Variants in PDE1C observed in about 807,000 individuals in gnomAD.
The protein encoded by PDE1C is phosphodiesterase 1C.
Under a neutral mutation model 93.1 loss-of-function variants are expected in PDE1C, and 62 were observed. That is an observed-to-expected ratio of 0.67 (90% CI 0.54 to 0.82). The LOEUF (loss-of-function observed/expected upper bound fraction) is 0.82. Ranked by LOEUF, PDE1C falls within the 40% of genes least tolerant of loss-of-function variation. PDE1C has a pLI of 0.00. For synonymous variants in PDE1C, 325 were observed against 310.1 expected, an observed-to-expected ratio of 1.05 and a Z score of -0.50; for missense variants, 742 against 884.6, an observed-to-expected ratio of 0.84 and a Z score of 2.04.
chr7:32,346,682 C>A (rs1783858654), intron 1 of PDE1C, among the ~76,000 whole-genome samples: 2 of 152,180 alleles, frequency 1.3e-5, no homozygotes, highest in African/African-American at 4.8e-5. Context: ...AACAAGGGAC[C>A]TGGCATCTTC....
At chr7:32,218,493 T>C (rs948515465) in intron 1 of PDE1C, among the ~76,000 whole-genome samples, 1 of 152,108 alleles carries the variant, frequency 6.6e-6, no homozygotes, top group Non-Finnish European at 1.5e-5. Context: ...CAGCCCAGGG[T>C]ATCACACAGA....
the PDE1C span, among the ~76,000 whole-genome samples, chr7:31,634,294 T>G: frequency 6.6e-6 from 1 of 152,316 alleles, no homozygotes; most frequent in East Asian, 1.9e-4. Context: ...GTATTAACCA[T>G]GATTATTATT....
intron 1 of PDE1C, among the ~76,000 whole-genome samples, chr7:32,318,439 G>A (rs899583043): frequency 6.6e-6 from 1 of 151,956 alleles, no homozygotes; most frequent in Non-Finnish European, 1.5e-5. Context: ...CCTCTAGGGA[G>A]CGGCTCTCCC....
At chr7:31,985,481 G>A (rs1783257074) in intron 2 of PDE1C, among the ~76,000 whole-genome samples, 1 of 152,076 alleles carries the variant, frequency 6.6e-6, no homozygotes, top group Non-Finnish European at 1.5e-5. Context: ...ATGCAGGTTT[G>A]ATACATAGCT....
At chr7:31,838,897 T>C (rs1404457311) in intron 9 of PDE1C, among the ~76,000 whole-genome samples, 1 of 151,880 alleles carries the variant, frequency 6.6e-6, no homozygotes, top group African/African-American at 2.4e-5. Context: ...AGGCAAAGTT[T>C]GATCTGGCTT....
chr7:31,818,715 G>A (rs1788580492), intron 14 of PDE1C, among the ~76,000 whole-genome samples: 1 of 152,126 alleles, frequency 6.6e-6, no homozygotes, highest in African/African-American at 2.4e-5. Context: ...CTGAGGCAAG[G>A]AAGAGGAGAA....
intron 1 of PDE1C, among the ~76,000 whole-genome samples, chr7:32,407,274 C>CA (rs1223650158): frequency 6.6e-6 from 1 of 152,024 alleles, no homozygotes; most frequent in African/African-American, 2.4e-5. Flanking sequence ...GACTCAGTCC[C>CA]AAAAAATAAA....
chr7:32,377,435 C>T (rs998576927), intron 1 of PDE1C, among the ~76,000 whole-genome samples: 2 of 152,164 alleles, frequency 1.3e-5, no homozygotes, highest in Non-Finnish European at 2.9e-5. Flanking sequence ...TTTTAAGTAG[C>T]GTATGGTTCC....
intron 1 of PDE1C, among the ~76,000 whole-genome samples, chr7:32,426,216 TG>T (rs1436155190): frequency 6.6e-6 from 1 of 152,160 alleles, no homozygotes; most frequent in African/African-American, 2.4e-5. Flanking sequence ...AACACATTTT[TG>T]CCTCCATAAT....
intron 3 of PDE1C, among the ~76,000 whole-genome samples, chr7:32,100,049 T>C (rs943626738): frequency 6.6e-6 from 1 of 152,214 alleles, no homozygotes; most frequent in African/African-American, 2.4e-5. Context: ...TTTGGTAATA[T>C]GCTTATCCCC....
At chr7:31,642,638 TCCA>T in the PDE1C span, 1 of 1,560,406 alleles carries the variant, frequency 6.4e-7, no homozygotes, top group Non-Finnish European at 8.7e-7. Flanking sequence ...TATTGCCTCC[TCCA>T]CTTCCTGACC....
At chr7:31,707,420 T>C in the PDE1C span, 1 of 660,392 alleles carries the variant, frequency 1.5e-6, no homozygotes, top group Non-Finnish European at 2.6e-6. Context: ...CCCCAGGAGA[T>C]GTATGCCATC....
intron 6 of PDE1C, among the ~76,000 whole-genome samples, chr7:31,872,039 C>T (rs1194787333): frequency 7.9e-4 from 9 of 11,340 alleles, no homozygotes; most frequent in African/African-American, 2.5e-3. Context: ...GAATACTATT[C>T]GGCCATAAAA....
At chr7:32,052,647 A>G (rs1793547782) in intron 1 of PDE1C, among the ~76,000 whole-genome samples, 1 of 152,200 alleles carries the variant, frequency 6.6e-6, no homozygotes, top group Admixed American at 6.5e-5. Flanking sequence ...TGGTTTGCTA[A>G]TGGAGAGCTG....
intron 2 of PDE1C, among the ~76,000 whole-genome samples, chr7:32,190,291 C>T (rs752353917): frequency 2.0e-5 from 3 of 152,190 alleles, no homozygotes; most frequent in Non-Finnish European, 2.9e-5. Context: ...GCACATTTCA[C>T]AGCCTACAAA....
At chr7:32,119,706 C>T (rs1004069084) in intron 3 of PDE1C, among the ~76,000 whole-genome samples, 1 of 152,176 alleles carries the variant, frequency 6.6e-6, no homozygotes, top group Non-Finnish European at 1.5e-5. Flanking sequence ...GCCCCCACCC[C>T]CTAGCCAAGG....
intron 2 of PDE1C, chr7:31,893,591 A>C: frequency 1.5e-6 from 1 of 688,024 alleles, no homozygotes; most frequent in Non-Finnish European, 1.8e-6. Context: ...TGTGGTTAAA[A>C]ATATGAGCTT....
In PDE1C at chr7:32,193,968, G is replaced by A. The variant is rs145648060; in HGVS notation, c.136+15521C>T. Among the ~76,000 whole-genome samples the A allele has an allele frequency of 4.5e-3, 623 of 139,020 alleles. 5 individuals are homozygous for A. The highest frequency in any genetic ancestry group is 0.015 in the African/African-American group (594 of 38,386). 91.2% of individuals were successfully genotyped at this position (139,020 alleles called of 152,430 possible). On this transcript the variant is annotated intron_variant, in intron 2 of 18. Transcript: ENST00000396193. ...CTCACTCTGTCGCCCAGGCTGGAGT[G>A]CAGTGGCACAATCTCCGCTCACTCC...
At chr7:32,062,428 C>G (rs1794923563) in intron 1 of PDE1C, among the ~76,000 whole-genome samples, 1 of 152,206 alleles carries the variant, frequency 6.6e-6, no homozygotes, top group African/African-American at 2.4e-5. Flanking sequence ...GGCCTTCTTT[C>G]ATTTTCTCAG....
Sources: allele counts gnomAD v4.1 joint callset (sites outside exome capture counted in the v4.1 genomes callset), GRCh38; gene constraint gnomAD v4.1.1; transcripts MANE v1.5; gene names NCBI Gene and HGNC (gene_info 2026-07-23, HGNC 2026-07-21).